The following UGGT2 variants were observed in gnomAD, a reference collection of about 807,000 sequenced individuals.
UGGT2 encodes the protein UDP-glucose glycoprotein glucosyltransferase 2.
Under a neutral mutation model 192.1 loss-of-function variants are expected in UGGT2, and 180 were observed. The observed-to-expected ratio is 0.94, with a 90% CI of 0.83 to 1.06. The LOEUF (loss-of-function observed/expected upper bound fraction) is 1.06. Ranked by LOEUF, UGGT2 falls within the 50% of genes least tolerant of loss-of-function variation. The pLI is 0.00. For missense variants in UGGT2, 1,849 were observed against 1,795.7 expected (o/e 1.03, Z -0.54); for synonymous variants, 580 against 591.0 (o/e 0.98, Z 0.27).
intron 27 of UGGT2, among the ~76,000 whole-genome samples, chr13:95,879,528 C>T (rs1300342376): frequency 3.9e-5 from 6 of 152,192 alleles, no homozygotes; most frequent in Admixed American, 2.0e-4. Context: ...ATCCGCCTCC[C>T]GGGCTTAAGC....
At chr13:95,809,498 C>G (rs1594051475) in intron 38 of UGGT2, 1 of 350,754 alleles carries the variant, frequency 2.9e-6, no homozygotes, top group African/African-American at 2.2e-5. Context: ...GCTGCCTTTT[C>G]TGGCTTAGTT....
intron 12 of UGGT2, among the ~76,000 whole-genome samples, chr13:95,954,501 T>A (rs2050157291): frequency 6.6e-6 from 1 of 152,202 alleles, no homozygotes; most frequent in Non-Finnish European, 1.5e-5. Flanking sequence ...TTACAATCTA[T>A]TCTTTCTGAA....
chr13:96,053,322 A>T lies in UGGT2; in HGVS notation c.-10T>A. 6.3e-7 allele frequency: 1 copy of T among 1,581,342 alleles called. No individual in the cohort carries two copies. Among genetic ancestry groups the T allele is most frequent in the Non-Finnish European group, 8.5e-7 (1 of 1,173,044 alleles). On this transcript the variant is annotated 5_prime_UTR_variant, in exon 1 of 39. Coordinates refer to ENST00000376747, the MANE Select transcript of UGGT2 (RefSeq NM_020121.4). ...CTTTCGCTGGCGCCATGGCACGGAG[A>T]GAAAAGCGCGAGTCCCTCGGACCCG...
chr13:95,925,566 C>T, intron 20 of UGGT2, 114 bp downstream of exon 20: 1 of 732,544 alleles, frequency 1.4e-6, no homozygotes, highest in Non-Finnish European at 2.0e-6. Flanking sequence ...ATTCCTTCGT[C>T]TACTTAACTG....
At chr13:96,018,655 TAAG>T (rs902645787) in intron 4 of UGGT2, among the ~76,000 whole-genome samples, 2 of 151,432 alleles carry the variant, frequency 1.3e-5, no homozygotes, top group Non-Finnish European at 2.9e-5. Flanking sequence ...AAACTACTGT[TAAG>T]AAGAATTTTA....
At chr13:95,927,689 A>T (rs1346303242) in intron 17 of UGGT2, among the ~76,000 whole-genome samples, 4 of 150,990 alleles carry the variant, frequency 2.6e-5, no homozygotes, top group African/African-American at 7.3e-5. Flanking sequence ...GTATTTATTG[A>T]TCATTCTTGG....
chr13:95,929,195 G>A (rs2049155741), intron 17 of UGGT2, among the ~76,000 whole-genome samples: 1 of 151,968 alleles, frequency 6.6e-6, no homozygotes, highest in Non-Finnish European at 1.5e-5. Context: ...AGAGGGGGAG[G>A]GAGAATACAT....
chr13:95,949,551 T>C (rs1197329040), intron 12 of UGGT2, 97 bp from the exon 13 acceptor site: 2 of 1,170,088 alleles, frequency 1.7e-6, no homozygotes, highest in Non-Finnish European at 2.2e-6. Context: ...AAAATATACA[T>C]AGAATTTTCT....
At chr13:95,879,410 C>T (rs2047428673) in intron 27 of UGGT2, among the ~76,000 whole-genome samples, 1 of 152,094 alleles carries the variant, frequency 6.6e-6, no homozygotes, top group Non-Finnish European at 1.5e-5. Flanking sequence ...TAAATTAGTT[C>T]CTATTTTCAA....
chr13:95,804,843 G>C (rs1303309510), intron 38 of UGGT2, among the ~76,000 whole-genome samples: 1 of 152,018 alleles, frequency 6.6e-6, no homozygotes, highest in Admixed American at 6.6e-5. Flanking sequence ...AAACTCCTGA[G>C]GAACACATAG....
At chr13:95,855,405 T>C (rs966562978) in intron 34 of UGGT2, among the ~76,000 whole-genome samples, 10 of 152,078 alleles carry the variant, frequency 6.6e-5, no homozygotes, top group African/African-American at 2.2e-4. Context: ...AATTTTTTTT[T>C]CCCACTAATG....
At chr13:95,898,897 T>C (rs1203687864) in intron 22 of UGGT2, among the ~76,000 whole-genome samples, 1 of 152,202 alleles carries the variant, frequency 6.6e-6, no homozygotes, top group Non-Finnish European at 1.5e-5. Context: ...TCTGAGATTA[T>C]ATAGTCTCAG....
At chr13:95,888,316 C>G (rs2047703628) in intron 25 of UGGT2, among the ~76,000 whole-genome samples, 1 of 152,166 alleles carries the variant, frequency 6.6e-6, no homozygotes, top group African/African-American at 2.4e-5. Context: ...TCTGCAAATA[C>G]AAAGTGGTGA....
intron 1 of UGGT2, among the ~76,000 whole-genome samples, chr13:96,051,438 C>G (rs984451347): frequency 6.6e-6 from 1 of 152,040 alleles, no homozygotes; most frequent in Non-Finnish European, 1.5e-5. Context: ...TGTACCTGCA[C>G]GTTGTGCACA....
In UGGT2 at chr13:95,883,712, A is replaced by ATT. The variant is rs1410025021; in HGVS notation, c.3228+777_3228+778dup. Among the ~76,000 whole-genome samples the ATT allele has an allele frequency of 2.6e-5, 4 of 152,264 alleles. No homozygotes were observed. In the East Asian group the frequency reaches 7.7e-4, roughly 29 times the overall value. ...CCTAGCCATGCGAAACTGTGAGTTA[A>ATT]TTAAGCCTCTTTTCCATTTAAATTA... On this transcript the variant is annotated intron_variant, in intron 27 of 38. Transcript: ENST00000376747.
At chr13:96,046,473 A>G (rs1376829591) in intron 1 of UGGT2, among the ~76,000 whole-genome samples, 1 of 152,220 alleles carries the variant, frequency 6.6e-6, no homozygotes, top group African/African-American at 2.4e-5. Context: ...ATAAAAACAA[A>G]GATAAATAGG....
At position 95,947,976 on chromosome 13, in the gene UGGT2, TGCTA is replaced by T. The variant is rs373694412; in HGVS notation, c.1541+16_1541+19del. 9.2e-4 allele frequency: 1,456 copies of T among 1,578,434 alleles called. 15 individuals carry two copies. The African/African-American group carries it at 0.017, about 18-fold the overall frequency. ...GAATTTCCTTTAGTTGACAGTTTAA[TGCTA>T]TAAAATGACAATTACCTAAGAGGAA... On this transcript the variant is annotated intron_variant, in intron 14 of 38. Coordinates refer to ENST00000376747, the MANE Select transcript of UGGT2 (RefSeq NM_020121.4).
rs376142489 is a variant in UGGT2, at chr13:95,867,358, C to T, written c.3539G>A (p.Ser1180Asn). The change falls in exon 30 of 39, where the codon AGC becomes AAC. Residue 1180 changes from serine (S) to asparagine (N), a missense_variant. Physicochemically the swap from Ser to Asn is conservative, Grantham distance 46. Coordinates refer to ENST00000376747, the MANE Select transcript of UGGT2 (RefSeq NM_020121.4). ...ACATACTTTTACTTTGAGTATCTTG[C>T]TTTTGAAGCTGTTTAATACAACAAT... ...DIIVVLNSFK[S>N]KILKVKVKKE... is the part of the protein sequence containing the mutation. The T allele has an allele frequency of 5.2e-5, 83 of 1,607,786 alleles. No homozygotes were observed. Among genetic ancestry groups the T allele is most frequent in the Non-Finnish European group, 6.6e-5 (78 of 1,177,666 alleles).
chr13:95,879,139 A>G (rs1417190137), intron 27 of UGGT2, among the ~76,000 whole-genome samples: 1 of 152,212 alleles, frequency 6.6e-6, no homozygotes, highest in Non-Finnish European at 1.5e-5. Context: ...GCAATACACC[A>G]AAGTGACTGT....
Sources: gnomAD v4.1 joint callset for allele counts (sites outside exome capture counted in the v4.1 genomes callset) on GRCh38, gnomAD v4.1.1 for gene constraint, MANE v1.5 for transcripts, NCBI Gene and HGNC (gene_info 2026-07-23, HGNC 2026-07-21) for gene names.